The following RXFP1 variants were observed in gnomAD, a reference collection of about 807,000 sequenced individuals.
The protein encoded by RXFP1 is relaxin receptor 1.
A neutral mutation model predicts 89.8 loss-of-function variants in RXFP1; 73 were observed. That is an observed-to-expected ratio of 0.81 (90% CI 0.67 to 0.99). The LOEUF is 0.99. RXFP1 is among the 50% of genes least tolerant of loss of function. RXFP1 has a pLI of 0.00. For missense variants in RXFP1, 793 were observed against 895.5 expected, an observed-to-expected ratio of 0.89 and a Z score of 1.46; for synonymous variants, 277 against 305.5, an observed-to-expected ratio of 0.91 and a Z score of 0.97.
chr4:158,620,494 T>C lies in RXFP1; in HGVS notation c.755+3289T>C, dbSNP rs145240691. Among the ~76,000 whole-genome samples the C allele has an allele frequency of 5.5e-3, 839 of 152,064 alleles. 8 individuals carry two copies. The highest frequency in any genetic ancestry group is 0.019 in the African/African-American group (776 of 41,508). ...AATCCATGCAGAAGTCAAGAAAAAC[T>C]AGATAAATTATAGTCAAACTGCTGA... is the stretch of plus-strand genomic sequence containing the variant. On this transcript the variant is annotated intron_variant, in intron 9 of 17. Transcript: ENST00000307765.
At chr4:158,616,893 G>T (rs1482423450) in intron 8 of RXFP1, among the ~76,000 whole-genome samples, 3 of 151,308 alleles carry the variant, frequency 2.0e-5, no homozygotes, top group Non-Finnish European at 4.4e-5. Flanking sequence ...CAGCTGCTCG[G>T]AGGGCCGAGG....
intron 2 of RXFP1, among the ~76,000 whole-genome samples, chr4:158,586,055 C>G (rs1284933139): frequency 6.6e-6 from 1 of 152,218 alleles, no homozygotes; most frequent in Non-Finnish European, 1.5e-5. Context: ...TGCTTTAAGA[C>G]TAACCTAGGC....
chr4:158,618,268 C>T (rs1764974678), intron 9 of RXFP1, among the ~76,000 whole-genome samples: 1 of 151,918 alleles, frequency 6.6e-6, no homozygotes, highest in Non-Finnish European at 1.5e-5. Flanking sequence ...CACAATTGAA[C>T]AATATTTACA....
intron 6 of RXFP1, 147 bp downstream of exon 6, chr4:158,608,190 G>A (rs1762869234): frequency 2.1e-6 from 1 of 485,486 alleles, no homozygotes; most frequent in African/African-American, 2.0e-5. Context: ...GTGGCTAAGA[G>A]CATAGGATTG....
intron 10 of RXFP1, among the ~76,000 whole-genome samples, chr4:158,627,619 C>T (rs757875950): frequency 6.7e-6 from 1 of 149,900 alleles, no homozygotes; most frequent in Non-Finnish European, 1.5e-5. Flanking sequence ...AACCATTATC[C>T]TAGACTACAC....
At chr4:158,560,489 C>CAGAAAGGACACTTCGGAGTT (rs763597669) in intron 1 of RXFP1, among the ~76,000 whole-genome samples, 6 of 152,164 alleles carry the variant, frequency 3.9e-5, no homozygotes, top group African/African-American at 4.8e-5. Context: ...AATGACTCTG[C>CAGAAAGGACACTTCGGAGTT]AGAAAGGACA....
chr4:158,545,287 G>C (rs571166122), intron 1 of RXFP1, among the ~76,000 whole-genome samples: 2 of 152,050 alleles, frequency 1.3e-5, no homozygotes. Flanking sequence ...CCCACTTTTT[G>C]ATGGGGTTGT....
At chr4:158,527,625 A>G (rs1372995543) in intron 1 of RXFP1, among the ~76,000 whole-genome samples, 1 of 146,738 alleles carries the variant, frequency 6.8e-6, no homozygotes, top group East Asian at 2.0e-4. Flanking sequence ...CTTGGTTCTC[A>G]TCTAATTCAT....
intron 12 of RXFP1, among the ~76,000 whole-genome samples, chr4:158,637,488 T>G (rs1325449778): frequency 6.6e-6 from 1 of 152,238 alleles, no homozygotes; most frequent in Admixed American, 6.5e-5. Flanking sequence ...TGATGATTAG[T>G]GATGTTGAGC....
At chr4:158,617,611 A>G (rs926341534) in intron 9 of RXFP1, among the ~76,000 whole-genome samples, 1 of 151,806 alleles carries the variant, frequency 6.6e-6, no homozygotes, top group African/African-American at 2.4e-5. Flanking sequence ...TTTAGCATTT[A>G]TTTTTCAAAA....
intron 8 of RXFP1, 118 bp from the exon 9 acceptor site, chr4:158,617,013 A>G: frequency 1.5e-6 from 1 of 681,840 alleles, no homozygotes; most frequent in Non-Finnish European, 2.4e-6. Flanking sequence ...AATTAGAAGG[A>G]AAAAACAACT....
Position 158,608,279 on chromosome 4 carries a change from C to CTTTTTT in RXFP1, c.536+259_536+264dup, listed in dbSNP as rs756131500. Among the ~76,000 whole-genome samples, 540 of 76,126 alleles carry CTTTTTT rather than the reference C, an allele frequency of 7.1e-3. 27 individuals carry two copies. The highest frequency in any genetic ancestry group is 0.019 in the African/African-American group (292 of 15,300). The allele number at this position is 76,126 out of a possible 152,430, so 49.9% of individuals were successfully genotyped here. A position where few individuals can be genotyped will look rare whatever the true frequency, so the allele number is the denominator to read the frequency against. ...GATCTTGAGCAATTTGTATTCCTTT[C>CTTTTTT]TTTTTTTTTTTTTTTTTTTTTTTTT... On this transcript the variant is annotated intron_variant, in intron 6 of 17. Coordinates refer to ENST00000307765, the MANE Select transcript of RXFP1 (RefSeq NM_021634.4).
chr4:158,529,502 C>A (rs544690534), intron 1 of RXFP1, among the ~76,000 whole-genome samples: 1 of 152,208 alleles, frequency 6.6e-6, no homozygotes, highest in East Asian at 1.9e-4. Flanking sequence ...TCAAGCCATC[C>A]GCCCACCTCA....
chr4:158,563,807 C>T (rs940540805), intron 1 of RXFP1, among the ~76,000 whole-genome samples: 2 of 150,440 alleles, frequency 1.3e-5, no homozygotes, highest in African/African-American at 4.9e-5. Flanking sequence ...AAATTCCTAT[C>T]ACCTAGTGAC....
intron 1 of RXFP1, among the ~76,000 whole-genome samples, chr4:158,565,776 A>G (rs949653210): frequency 2.6e-5 from 4 of 152,230 alleles, no homozygotes; most frequent in African/African-American, 9.6e-5. Flanking sequence ...TAACACTTTG[A>G]TGAGGAAAGG....
At position 158,542,421 on chromosome 4, in the gene RXFP1, A is replaced by G. The variant is rs188120673; in HGVS notation, c.49+20396A>G. On this transcript the variant is annotated intron_variant, in intron 1 of 17. Transcript: ENST00000307765. ...GATGCAAGCATACTTGTATATACCT[A>G]CAGTAGGCCTTTTGCAAACCCAAGA... Among the ~76,000 whole-genome samples the G allele has an allele frequency of 1.7e-3, 258 of 152,218 alleles. 5 individuals carry two copies. Among genetic ancestry groups the G allele is most frequent in the Admixed American group, 0.017 (254 of 15,278 alleles).
intron 1 of RXFP1, chr4:158,544,523 T>G (rs1747699002): frequency 4.8e-6 from 1 of 208,278 alleles, no homozygotes. Flanking sequence ...TATGTATACA[T>G]GTGCCATGTT....
chr4:158,579,871 G>A (rs944289243), intron 2 of RXFP1, among the ~76,000 whole-genome samples: 3 of 152,174 alleles, frequency 2.0e-5, no homozygotes, highest in African/African-American at 7.2e-5. Flanking sequence ...GAACCACATG[G>A]TTTTTACCGG....
chr4:158,552,724 A>G (rs547309415), intron 1 of RXFP1, among the ~76,000 whole-genome samples: 7 of 152,340 alleles, frequency 4.6e-5, no homozygotes, highest in Admixed American at 1.3e-4. Context: ...AATGAAAACT[A>G]TAAAAAGTTG....
Sources: allele counts gnomAD v4.1 joint callset (sites outside exome capture counted in the v4.1 genomes callset), GRCh38; gene constraint gnomAD v4.1.1; transcripts MANE v1.5; gene names NCBI Gene and HGNC (gene_info 2026-07-23, HGNC 2026-07-21).